IL1RL1: variants seen among roughly 807,000 people sequenced by gnomAD.
The protein encoded by IL1RL1 is interleukin-1 receptor-like 1.
A neutral mutation model predicts 50.9 loss-of-function variants in IL1RL1; 32 were observed. The observed-to-expected ratio is 0.63, with a 90% CI of 0.47 to 0.84. IL1RL1 has a LOEUF of 0.84. Among genes scored for constraint, IL1RL1 ranks in the 40% least tolerant of loss-of-function variants. The probability of loss-of-function intolerance (pLI) is 0.00; values close to 1 mark genes in which losing one functional copy is unlikely to be tolerated. For synonymous variants in IL1RL1, 275 were observed against 236.0 expected, an observed-to-expected ratio of 1.17 and a Z score of -1.51; for missense variants, 773 against 662.9, an observed-to-expected ratio of 1.17 and a Z score of -1.82.
At chr2:102,335,986 G>A (rs548371496) in intron 1 of IL1RL1, among the ~76,000 whole-genome samples, 2 of 152,210 alleles carry the variant, frequency 1.3e-5, no homozygotes, top group South Asian at 2.1e-4. Flanking sequence ...ATCTCCCCGC[G>A]GTCAAAGGAC....
intron 8 of IL1RL1, among the ~76,000 whole-genome samples, chr2:102,347,376 C>A (rs868122811): frequency 6.6e-5 from 10 of 152,310 alleles, no homozygotes; most frequent in Middle Eastern, 3.4e-3. Flanking sequence ...GCTCCTGTGA[C>A]CTTCAGAATA....
intron 1 of IL1RL1, among the ~76,000 whole-genome samples, chr2:102,317,384 A>T (rs1043103508): frequency 1.3e-5 from 2 of 152,172 alleles, no homozygotes; most frequent in African/African-American, 4.8e-5. Flanking sequence ...AATACTTTTT[A>T]AAATGCACTG....
At chr2:102,316,146 G>C (rs1374009265) in intron 1 of IL1RL1, among the ~76,000 whole-genome samples, 1 of 152,070 alleles carries the variant, frequency 6.6e-6, no homozygotes, top group Non-Finnish European at 1.5e-5. Flanking sequence ...ACATAAAAAA[G>C]GATTTGATTG....
At chr2:102,347,168 G>A (rs12996097) in intron 8 of IL1RL1, among the ~76,000 whole-genome samples, 20,910 of 152,174 alleles carry the variant, frequency 0.14, 1,668 homozygotes, top group Middle Eastern at 0.33. Flanking sequence ...TCTCAGACCC[G>A]TTGATGCCTT....
intron 1 of IL1RL1, among the ~76,000 whole-genome samples, chr2:102,329,693 C>CTTCTCAAAATA (rs1385266715): frequency 1.3e-5 from 2 of 152,198 alleles, no homozygotes; most frequent in Non-Finnish European, 2.9e-5. Flanking sequence ...TGAACAGACA[C>CTTCTCAAAATA]TTCTCAAAAT....
At chr2:102,346,956 A>G (rs967211149) in intron 8 of IL1RL1, among the ~76,000 whole-genome samples, 11 of 152,240 alleles carry the variant, frequency 7.2e-5, no homozygotes, top group Non-Finnish European at 1.3e-4. Context: ...TTGCATCTAC[A>G]TTTTGTGAAG....
chr2:102,340,395 T>A, intron 4 of IL1RL1, 123 bp downstream of exon 4: 1 of 817,972 alleles, frequency 1.2e-6, no homozygotes. Flanking sequence ...GGCAGATCAC[T>A]TGAGGCCAGG....
chr2:102,337,388 T>C (rs954035866), intron 1 of IL1RL1: 2 of 152,476 alleles, frequency 1.3e-5, no homozygotes, highest in African/African-American at 4.8e-5. Context: ...GTCTTCATAA[T>C]TCATGATTGT....
intron 1 of IL1RL1, among the ~76,000 whole-genome samples, chr2:102,330,237 A>C (rs1218240924): frequency 6.6e-6 from 1 of 152,098 alleles, no homozygotes; most frequent in Non-Finnish European, 1.5e-5. Context: ...AACTATCGCA[A>C]GGACAAAAAA....
chr2:102,347,988 A>AT lies in IL1RL1; in HGVS notation c.1019dup (p.Leu340PhefsTer17), dbSNP rs1559607797. 1 of 1,576,252 alleles carries AT rather than the reference A, an allele frequency of 6.3e-7. No homozygotes were observed. The highest frequency in any genetic ancestry group is 1.1e-5 in the South Asian group (1 of 90,294). ...ACTGCATAATTGCAGTATGTAGTGT[A>AT]TTTTTAATGCTAATCAATGTCCTGG... On this transcript the variant is annotated frameshift_variant, in exon 9 of 11. Coordinates refer to ENST00000233954, the MANE Select transcript of IL1RL1 (RefSeq NM_016232.5). LOFTEE classifies it high-confidence loss of function.
chr2:102,351,056 G>A (rs1377887812), intron 10 of IL1RL1, among the ~76,000 whole-genome samples: 1 of 152,146 alleles, frequency 6.6e-6, no homozygotes, highest in Non-Finnish European at 1.5e-5. Context: ...TAATGGGGGT[G>A]AAGTAAAGTC....
chr2:102,326,689 G>A (rs1428817910), intron 1 of IL1RL1, among the ~76,000 whole-genome samples: 1 of 151,850 alleles, frequency 6.6e-6, no homozygotes, highest in East Asian at 1.9e-4. Flanking sequence ...CAAAAAAAAG[G>A]CAGGGGTTGC....
At chr2:102,350,297 A>G (rs1338843699) in intron 10 of IL1RL1, among the ~76,000 whole-genome samples, 1 of 152,238 alleles carries the variant, frequency 6.6e-6, no homozygotes, top group African/African-American at 2.4e-5. Flanking sequence ...TCTGGCCACA[A>G]GCTCTTCACC....
chr2:102,342,713 T>C (rs1222774515), intron 6 of IL1RL1, among the ~76,000 whole-genome samples: 4 of 152,168 alleles, frequency 2.6e-5, no homozygotes, highest in African/African-American at 9.7e-5. Context: ...GAAACTCTAA[T>C]TTCTAGTAGA....
intron 4 of IL1RL1, 72 bp from the exon 5 acceptor site, chr2:102,340,594 A>G: frequency 1.3e-6 from 2 of 1,499,808 alleles, no homozygotes; most frequent in Non-Finnish European, 1.8e-6. Context: ...CCTAGGCAAC[A>G]AACATTCTGT....
chr2:102,337,471 A>C (rs1168745057), intron 1 of IL1RL1: 1 of 152,236 alleles, frequency 6.6e-6, no homozygotes, highest in Non-Finnish European at 1.5e-5. Flanking sequence ...AGAAGTAAGA[A>C]AGTAAATGAT....
In IL1RL1 at chr2:102,349,252, G is replaced by A. The variant is rs570183347; in HGVS notation, c.1285+6G>A. 2 of 1,611,734 alleles carry A rather than the reference G, an allele frequency of 1.2e-6. No homozygotes were observed. Among genetic ancestry groups the A allele is most frequent in the South Asian group, 2.2e-5 (2 of 91,040 alleles). ...AGATATGCTACCTGGAGAAGGTAAA[G>A]CTATTGACATACATTAGGGACAGAA... On this transcript the variant is annotated splice_donor_region_variant and intron_variant, in intron 10 of 10. Transcript: ENST00000233954.
chr2:102,351,857 C>T lies in IL1RL1; in HGVS notation c.1607C>T (p.Pro536Leu), dbSNP rs1677946556. The change falls in exon 11 of 11, where the codon CCT becomes CTT. Residue 536 changes from proline (P) to leucine (L), a missense_variant. Coordinates refer to ENST00000233954, the MANE Select transcript of IL1RL1 (RefSeq NM_016232.5). ...TGGAAGCACGTGAGGTACCAAATGCCTGTGCCAAGCAAAATTCCCAGAAAG... is the reference window on the plus strand; with the variant it reads ...TGGAAGCACGTGAGGTACCAAATGCTTGTGCCAAGCAAAATTCCCAGAAAG... ...KFWKHVRYQM[P>L]VPSKIPRKAS... 6.2e-7 allele frequency: 1 copy of T among 1,613,914 alleles called. No homozygotes were observed. Among genetic ancestry groups the T allele is most frequent in the Non-Finnish European group, 8.5e-7 (1 of 1,179,880 alleles).
intron 1 of IL1RL1, among the ~76,000 whole-genome samples, chr2:102,319,881 G>A (rs1282740946): frequency 6.6e-6 from 1 of 152,114 alleles, no homozygotes; most frequent in Non-Finnish European, 1.5e-5. Context: ...TAGAGATGGG[G>A]ACTTACTATG....
Sources: allele counts gnomAD v4.1 joint callset (sites outside exome capture counted in the v4.1 genomes callset), GRCh38; gene constraint gnomAD v4.1.1; transcripts MANE v1.5; gene names NCBI Gene and HGNC (gene_info 2026-07-23, HGNC 2026-07-21).